The following VPS53 variants were observed in gnomAD, a reference collection of about 807,000 sequenced individuals.
The protein encoded by VPS53 is VPS53 subunit of GARP complex, also known as vacuolar protein sorting-associated protein 53 homolog.
A neutral mutation model predicts 107.0 loss-of-function variants in VPS53; 70 were observed. The observed-to-expected ratio is 0.65, with a 90% CI of 0.54 to 0.80. The LOEUF is 0.80. Ranked by LOEUF, VPS53 falls within the 30% of genes least tolerant of loss-of-function variation. The pLI is 0.00. For missense variants in VPS53, 917 were observed against 1,049.4 expected, an observed-to-expected ratio of 0.87 and a Z score of 1.74; for synonymous variants, 409 against 393.3, an observed-to-expected ratio of 1.04 and a Z score of -0.47.
chr17:671,387 A>G (rs764579074), intron 4 of VPS53, among the ~76,000 whole-genome samples: 49 of 139,622 alleles, frequency 3.5e-4, no homozygotes, highest in Non-Finnish European at 6.8e-4. Context: ...AGAGGGAGGG[A>G]GGGAGGGAGC....
intron 19 of VPS53, 69 bp from the exon 20 acceptor site, chr17:521,807 T>C (rs577921527): frequency 7.3e-7 from 1 of 1,377,890 alleles, no homozygotes; most frequent in South Asian, 1.8e-5. Flanking sequence ...CTCATGCCGA[T>C]GAGTCATGTT....
rs1201753471 is a variant in VPS53, at chr17:562,694, C to A, written c.1365G>T (p.Gly455=). The A allele has an allele frequency of 4.3e-6, 7 of 1,613,334 alleles. No homozygotes were observed. The African/African-American group carries it at 8.0e-5, about 19-fold the overall frequency. ...CTTCATCAGTGTTGGGCTTAGGTGG[C>A]CCCTGGGCTTTGAAATCAGCCACAA... is the stretch of plus-strand genomic sequence containing the variant. The part of the protein sequence containing the change: ...DRFVADFKAQ[G]PPKPNTDEGG... The change falls in exon 14 of 22, where the codon GGG becomes GGT. Residue 455 remains glycine, a synonymous_variant. Transcript: ENST00000437048.
chr17:662,853 GGA>G (rs765076740), intron 4 of VPS53, among the ~76,000 whole-genome samples: 6,602 of 79,104 alleles, frequency 0.083, 275 homozygotes, highest in Non-Finnish European at 0.14. Flanking sequence ...AAGGAAGGAA[GGA>G]AGGAAGGAAG....
intron 15 of VPS53, among the ~76,000 whole-genome samples, chr17:554,527 C>T (rs1278212503): frequency 6.6e-6 from 1 of 152,160 alleles, no homozygotes; most frequent in African/African-American, 2.4e-5. Flanking sequence ...CCTCAGCCTC[C>T]CGAGTAGCTG....
At chr17:689,525 G>C (rs1046515353) in intron 4 of VPS53, among the ~76,000 whole-genome samples, 1 of 146,918 alleles carries the variant, frequency 6.8e-6, no homozygotes, top group Non-Finnish European at 1.5e-5. Flanking sequence ...CAAGGCTGGA[G>C]TGCAGTGGCA....
intron 17 of VPS53, chr17:551,612 T>A (rs1338529137): frequency 4.1e-6 from 1 of 244,630 alleles, no homozygotes; most frequent in African/African-American, 2.3e-5. Context: ...TTTAGACTCA[T>A]CAAACACATT....
intron 4 of VPS53, among the ~76,000 whole-genome samples, chr17:681,020 A>T (rs1185101105): frequency 6.6e-6 from 1 of 152,234 alleles, no homozygotes; most frequent in African/African-American, 2.4e-5. Flanking sequence ...TGTATCTGTT[A>T]ATCCATTTAA....
intron 1 of VPS53, among the ~76,000 whole-genome samples, chr17:713,721 T>G (rs1358032799): frequency 6.7e-6 from 1 of 149,420 alleles, no homozygotes; most frequent in Non-Finnish European, 1.5e-5. Flanking sequence ...CCTTAAAAAC[T>G]CAATAAACTT....
intron 4 of VPS53, among the ~76,000 whole-genome samples, chr17:670,200 G>C (rs560471148): frequency 0.024 from 62 of 2,554 alleles, no homozygotes; most frequent in African/African-American, 0.078. Context: ...CTGGGCACTG[G>C]TGAACTGGGC....
Position 510,298 on chromosome 17 carries a change from T to G in VPS53, c.*8830A>C, listed in dbSNP as rs10527622. Reference sequence around the variant, plus strand: ...CTCACTAGTCACATATCAAATCCTGTCTCGCCCCTCACTAGTCACATATCA... The same window carrying G: ...CTCACTAGTCACATATCAAATCCTGGCTCGCCCCTCACTAGTCACATATCA... On this transcript the variant is annotated 3_prime_UTR_variant, in exon 22 of 22. Transcript: ENST00000437048. 670 of 40,564 alleles carry G rather than the reference T, an allele frequency of 0.017. 136 individuals carry two copies. Among genetic ancestry groups the G allele is most frequent in the African/African-American group, 0.075 (255 of 3,412 alleles). The allele number at this position is 40,564 out of a possible 1,614,324, so 2.5% of individuals were successfully genotyped here. A position where few individuals can be genotyped will look rare whatever the true frequency, so the allele number is the denominator to read the frequency against.
intron 19 of VPS53, 87 bp from the exon 20 acceptor site, chr17:521,825 T>C: frequency 1.5e-6 from 2 of 1,333,486 alleles, no homozygotes; most frequent in African/African-American, 1.5e-5. Context: ...GTTTTTCTCG[T>C]TATACACGTA....
intron 11 of VPS53, among the ~76,000 whole-genome samples, chr17:602,605 A>G (rs1330429818): frequency 6.6e-6 from 1 of 152,232 alleles, no homozygotes; most frequent in Non-Finnish European, 1.5e-5. Flanking sequence ...GGCAGGAGGC[A>G]TGGTAGCTGT....
intron 10 of VPS53, among the ~76,000 whole-genome samples, chr17:624,868 T>C (rs551780379): frequency 2.6e-5 from 4 of 152,314 alleles, no homozygotes; most frequent in Admixed American, 6.5e-5. Flanking sequence ...AAAGGTTCTC[T>C]AAATCTACAG....
At chr17:699,160 C>T (rs1973103224) in intron 3 of VPS53, among the ~76,000 whole-genome samples, 171 bp downstream of exon 3, 1 of 151,824 alleles carries the variant, frequency 6.6e-6, no homozygotes, top group Non-Finnish European at 1.5e-5. Context: ...AGCAAAAATC[C>T]GTCTCAAAAA....
intron 11 of VPS53, among the ~76,000 whole-genome samples, chr17:620,791 C>T (rs1969437403): frequency 6.6e-6 from 1 of 150,628 alleles, no homozygotes; most frequent in South Asian, 2.1e-4. Context: ...TATTTTTAGT[C>T]GTGATGGGGT....
intron 19 of VPS53, among the ~76,000 whole-genome samples, chr17:523,958 A>G (rs1294365060): frequency 1.3e-5 from 2 of 152,206 alleles, no homozygotes; most frequent in Non-Finnish European, 2.9e-5. Flanking sequence ...ACAAGCCTCT[A>G]AAGCATTCTA....
intron 15 of VPS53, among the ~76,000 whole-genome samples, chr17:557,467 G>A (rs1011816545): frequency 6.6e-6 from 1 of 152,106 alleles, no homozygotes; most frequent in Admixed American, 6.5e-5. Flanking sequence ...GGGTTGGGGG[G>A]ACACTTCAAC....
At chr17:555,583 C>G (rs1708518762) in intron 15 of VPS53, among the ~76,000 whole-genome samples, 1 of 152,196 alleles carries the variant, frequency 6.6e-6, no homozygotes, top group Non-Finnish European at 1.5e-5. Context: ...GATCCACCCA[C>G]CTCGGCCTCC....
chr17:578,108 C>A (rs1914799611), intron 13 of VPS53, among the ~76,000 whole-genome samples: 1 of 151,322 alleles, frequency 6.6e-6, no homozygotes, highest in Non-Finnish European at 1.5e-5. Flanking sequence ...AACCTCACTG[C>A]ATTACCAGAA....
Sources: allele counts gnomAD v4.1 joint callset (sites outside exome capture counted in the v4.1 genomes callset), GRCh38; gene constraint gnomAD v4.1.1; transcripts MANE v1.5; gene names NCBI Gene and HGNC (gene_info 2026-07-23, HGNC 2026-07-21).